The following ADCY8 variants were observed in gnomAD, a reference collection of about 807,000 sequenced individuals.
ADCY8 encodes adenylate cyclase type 8.
A neutral mutation model predicts 119.7 loss-of-function variants in ADCY8; 51 were observed. The observed-to-expected ratio is 0.43, with a 90% CI of 0.34 to 0.54. The LOEUF (loss-of-function observed/expected upper bound fraction) is 0.54, where lower values mean the gene tolerates loss of function less well. Ranked by LOEUF, ADCY8 falls within the 20% of genes least tolerant of loss-of-function variation. The pLI is 0.03. For missense variants in ADCY8, 1,383 were observed against 1,598.8 expected (o/e 0.87, Z 2.30); for synonymous variants, 665 against 651.0 (o/e 1.02, Z -0.33).
intron 1 of ADCY8, among the ~76,000 whole-genome samples, chr8:131,023,329 C>G (rs533056931): frequency 6.6e-6 from 1 of 152,280 alleles, no homozygotes; most frequent in East Asian, 1.9e-4. Context: ...GTTCTTTTAC[C>G]TTACTCTCCT....
chr8:131,007,523 T>A (rs930939234), intron 1 of ADCY8, among the ~76,000 whole-genome samples: 1 of 152,232 alleles, frequency 6.6e-6, no homozygotes. Flanking sequence ...AAAAAAATTA[T>A]CTAGCTCTAA....
intron 14 of ADCY8, among the ~76,000 whole-genome samples, chr8:130,802,566 A>G (rs1207402102): frequency 1.3e-5 from 2 of 152,208 alleles, no homozygotes; most frequent in African/African-American, 4.8e-5. Flanking sequence ...ACACTGAAGC[A>G]TGACATATAT....
chr8:130,959,854 G>A (rs895577257), intron 2 of ADCY8, among the ~76,000 whole-genome samples: 1 of 152,084 alleles, frequency 6.6e-6, no homozygotes, highest in African/African-American at 2.4e-5. Flanking sequence ...CAGTGGAGTA[G>A]AGTGGCGTGA....
chr8:131,028,160 G>A (rs1191498670), intron 1 of ADCY8, among the ~76,000 whole-genome samples: 1 of 152,226 alleles, frequency 6.6e-6, no homozygotes, highest in Non-Finnish European at 1.5e-5. Context: ...CAAAGTTGCT[G>A]TGAAAAACCC....
At chr8:130,782,220 T>C (rs920379575) in intron 17 of ADCY8, among the ~76,000 whole-genome samples, 40 of 152,300 alleles carry the variant, frequency 2.6e-4, no homozygotes, top group African/African-American at 9.6e-4. Flanking sequence ...TATAAGTGAC[T>C]GGAAATTTGA....
intron 15 of ADCY8, among the ~76,000 whole-genome samples, chr8:130,799,430 T>A (rs144583998): frequency 3.2e-4 from 49 of 152,338 alleles, no homozygotes; most frequent in African/African-American, 1.2e-3. Flanking sequence ...TTCACTGGAC[T>A]CAGAAGCTGG....
intron 2 of ADCY8, among the ~76,000 whole-genome samples, chr8:130,957,933 G>A (rs930378746): frequency 9.9e-5 from 15 of 152,210 alleles, no homozygotes; most frequent in Admixed American, 2.0e-4. Context: ...TACAGGGATG[G>A]GACATTCATG....
At chr8:130,783,222 G>T (rs964521816) in intron 17 of ADCY8, among the ~76,000 whole-genome samples, 2 of 152,198 alleles carry the variant, frequency 1.3e-5, no homozygotes, top group Non-Finnish European at 2.9e-5. Context: ...CTTTGTGGCT[G>T]AGTAAAGCCT....
intron 8 of ADCY8, among the ~76,000 whole-genome samples, chr8:130,878,506 C>A (rs1242099106): frequency 2.6e-5 from 4 of 152,174 alleles, no homozygotes; most frequent in African/African-American, 9.7e-5. Context: ...GTAAGCTGAT[C>A]TCTGAAGATG....
At chr8:130,939,525 T>C (rs1369539711) in intron 4 of ADCY8, among the ~76,000 whole-genome samples, 2 of 152,076 alleles carry the variant, frequency 1.3e-5, no homozygotes, top group East Asian at 1.9e-4. Flanking sequence ...ATCAGATGCA[T>C]GGATTGGCCT....
At chr8:130,887,028 C>T (rs1468513725) in intron 7 of ADCY8, among the ~76,000 whole-genome samples, 1 of 151,630 alleles carries the variant, frequency 6.6e-6, no homozygotes, top group Non-Finnish European at 1.5e-5. Flanking sequence ...GAATAAAAGA[C>T]AGTCCTTTAC....
At chr8:130,966,488 A>G (rs766627241) in intron 2 of ADCY8, among the ~76,000 whole-genome samples, 2 of 152,236 alleles carry the variant, frequency 1.3e-5, no homozygotes, top group Non-Finnish European at 2.9e-5. Context: ...CAGGAAATAA[A>G]TTGGTACAAT....
chr8:130,863,423 T>A (rs1245038121), intron 9 of ADCY8, among the ~76,000 whole-genome samples: 2 of 152,064 alleles, frequency 1.3e-5, no homozygotes, highest in Non-Finnish European at 2.9e-5. Flanking sequence ...TGACAAGCTG[T>A]GCTTTGTAAT....
intron 7 of ADCY8, among the ~76,000 whole-genome samples, chr8:130,894,061 A>C (rs1156694224): frequency 1.3e-5 from 2 of 152,092 alleles, no homozygotes; most frequent in African/African-American, 4.8e-5. Context: ...TGGTGTTTTA[A>C]ATTTCTCAGT....
At chr8:130,793,345 C>T (rs1437358361) in intron 15 of ADCY8, among the ~76,000 whole-genome samples, 1 of 152,170 alleles carries the variant, frequency 6.6e-6, no homozygotes, top group East Asian at 1.9e-4. Context: ...CTTTTAGTGC[C>T]AACACCAGGA....
At chr8:130,872,729 T>C (rs1818412005) in intron 8 of ADCY8, among the ~76,000 whole-genome samples, 1 of 152,098 alleles carries the variant, frequency 6.6e-6, no homozygotes, top group African/African-American at 2.4e-5. Flanking sequence ...GGTGAACTGA[T>C]AATAGGGAAG....
At chr8:130,823,001 T>G (rs1816567051) in intron 12 of ADCY8, among the ~76,000 whole-genome samples, 1 of 152,220 alleles carries the variant, frequency 6.6e-6, no homozygotes, top group Admixed American at 6.5e-5. Context: ...TTGTTCACAT[T>G]GCTTAGTTTG....
chr8:130,921,549 G>A (rs1440991647), intron 5 of ADCY8, among the ~76,000 whole-genome samples: 2 of 151,348 alleles, frequency 1.3e-5, no homozygotes, highest in Non-Finnish European at 2.9e-5. Flanking sequence ...TGCCTCCCGG[G>A]TTCCAGCAAT....
chr8:130,842,000 G>A (rs1222388462), intron 11 of ADCY8, among the ~76,000 whole-genome samples: 1 of 152,194 alleles, frequency 6.6e-6, no homozygotes, highest in Non-Finnish European at 1.5e-5. Context: ...GTGATGGGAA[G>A]ATGGCTGGTC....
Sources: gnomAD v4.1 joint callset for allele counts (sites outside exome capture counted in the v4.1 genomes callset) on GRCh38, gnomAD v4.1.1 for gene constraint, MANE v1.5 for transcripts, NCBI Gene and HGNC (gene_info 2026-07-23, HGNC 2026-07-21) for gene names.